Variants in SLC16A7 observed in about 807,000 individuals in gnomAD.
SLC16A7 encodes solute carrier family 16 member 7.
Under a neutral mutation model 34.9 loss-of-function variants are expected in SLC16A7, and 33 were observed. The ratio of observed to expected loss-of-function variants is 0.94; its 90% confidence interval spans 0.72 to 1.26. SLC16A7 has a LOEUF of 1.26. Ranked by LOEUF, SLC16A7 falls within the 50% of genes most tolerant of loss-of-function variation. The pLI is 0.00. For missense variants in SLC16A7, 573 were observed against 578.1 expected (o/e 0.99, Z 0.09); for synonymous variants, 201 against 206.6 (o/e 0.97, Z 0.23).
At chr12:59,683,067 GA>G (rs113532305) in intron 2 of SLC16A7, among the ~76,000 whole-genome samples, 10,846 of 148,872 alleles carry the variant, frequency 0.073, 429 homozygotes, top group Middle Eastern at 0.17. Flanking sequence ...ACTCTGTCTT[GA>G]AAAAAAAAAT....
rs1415814104 is a variant in SLC16A7, at chr12:59,787,161, G to C, written c.*7482G>C. The C allele has an allele frequency of 6.6e-6, 1 of 151,840 alleles. No individual in the cohort carries two copies. Among genetic ancestry groups the C allele is most frequent in the Non-Finnish European group, 1.5e-5 (1 of 67,958 alleles). The allele number at this position is 151,840 out of a possible 1,614,324, so 9.4% of individuals were successfully genotyped here. On this transcript the variant is annotated 3_prime_UTR_variant, in exon 6 of 6. Coordinates refer to ENST00000547379, the MANE Select transcript of SLC16A7 (RefSeq NM_001270623.2). ...TTATTTTATGTTCCTTTTTATTTTA[G>C]AAGCAGTGTTCATTTTTTTCTGAAG...
At chr12:59,724,280 C>T (rs947081790) in intron 3 of SLC16A7, among the ~76,000 whole-genome samples, 1 of 152,004 alleles carries the variant, frequency 6.6e-6, no homozygotes, top group African/African-American at 2.4e-5. Context: ...CAACTTTTCA[C>T]CTTTCACACC....
intron 2 of SLC16A7, among the ~76,000 whole-genome samples, chr12:59,665,481 T>A (rs1280901908): frequency 3.3e-5 from 5 of 151,960 alleles, no homozygotes; most frequent in African/African-American, 1.2e-4. Flanking sequence ...ATTATAGGAC[T>A]TAGGTAATTT....
At chr12:59,739,456 C>T (rs376859640) in intron 3 of SLC16A7, among the ~76,000 whole-genome samples, 2 of 136,254 alleles carry the variant, frequency 1.5e-5, no homozygotes, top group African/African-American at 2.9e-5. Context: ...TTGGACATTT[C>T]GGTTGGTTCC....
intron 3 of SLC16A7, among the ~76,000 whole-genome samples, chr12:59,743,637 A>C (rs1486031579): frequency 6.6e-6 from 1 of 152,224 alleles, no homozygotes; most frequent in Non-Finnish European, 1.5e-5. Flanking sequence ...TTAAGACTTT[A>C]ACAAATTTTT....
intron 1 of SLC16A7, among the ~76,000 whole-genome samples, chr12:59,624,782 A>G (rs879384402): frequency 1.5e-4 from 22 of 149,182 alleles, no homozygotes; most frequent in Non-Finnish European, 3.1e-4. Context: ...GTCTATCTAT[A>G]TGTGTGTGTA....
In SLC16A7 at chr12:59,643,886, T is replaced by C. The variant is rs190425106; in HGVS notation, c.-129-11266T>C. Reference sequence around the variant, plus strand: ...CAAATGTCACATCGGTATTTCAGTTTTGGAGAGTGACTTTGAAACTATTTC... The same window carrying C: ...CAAATGTCACATCGGTATTTCAGTTCTGGAGAGTGACTTTGAAACTATTTC... On this transcript the variant is annotated intron_variant, in intron 1 of 5. Coordinates refer to ENST00000547379, the MANE Select transcript of SLC16A7 (RefSeq NM_001270623.2). 1.7e-4 allele frequency among the ~76,000 whole-genome samples: 26 copies of C among 152,274 alleles called. No individual in the cohort carries two copies. The East Asian group carries it at 4.3e-3, about 25-fold the overall frequency.
intron 3 of SLC16A7, among the ~76,000 whole-genome samples, chr12:59,757,654 C>T (rs911484873): frequency 2.6e-5 from 4 of 151,714 alleles, no homozygotes; most frequent in Non-Finnish European, 5.9e-5. Flanking sequence ...GTGCCTGCCT[C>T]TCCTGCCTCT....
chr12:59,710,994 G>T (rs766358445), intron 3 of SLC16A7, among the ~76,000 whole-genome samples: 1 of 152,162 alleles, frequency 6.6e-6, no homozygotes, highest in African/African-American at 2.4e-5. Flanking sequence ...CCTGGCACAA[G>T]GAAGATGTCT....
intron 2 of SLC16A7, among the ~76,000 whole-genome samples, chr12:59,704,213 A>AAAAAAAAAAAG (rs1873256207): frequency 7.1e-6 from 1 of 141,838 alleles, no homozygotes; most frequent in African/African-American, 2.7e-5. Context: ...AAAAAAAAAA[A>AAAAAAAAAAAG]AAAAAGAAAA....
At chr12:59,695,395 A>C (rs558111004) in intron 2 of SLC16A7, among the ~76,000 whole-genome samples, 13 of 152,114 alleles carry the variant, frequency 8.5e-5, no homozygotes, top group African/African-American at 3.1e-4. Flanking sequence ...TCCTGGTAGG[A>C]CCAGAGCTGA....
intron 1 of SLC16A7, among the ~76,000 whole-genome samples, chr12:59,612,679 A>C (rs1879253298): frequency 6.6e-6 from 1 of 152,172 alleles, no homozygotes. Flanking sequence ...TGCTGCTTAG[A>C]CATTTCTTCC....
intron 1 of SLC16A7, among the ~76,000 whole-genome samples, chr12:59,605,218 A>G (rs1878880817): frequency 6.6e-6 from 1 of 152,220 alleles, no homozygotes; most frequent in African/African-American, 2.4e-5. Flanking sequence ...AACAGGAATG[A>G]TAAGGCTTCC....
intron 2 of SLC16A7, among the ~76,000 whole-genome samples, chr12:59,656,712 G>A (rs57382745): frequency 3.9e-5 from 6 of 152,024 alleles, no homozygotes; most frequent in African/African-American, 7.2e-5. Context: ...TAGAAACAGC[G>A]GTTTATGCCA....
At chr12:59,690,734 G>A (rs1183245717) in intron 2 of SLC16A7, among the ~76,000 whole-genome samples, 1 of 151,854 alleles carries the variant, frequency 6.6e-6, no homozygotes, top group Admixed American at 6.6e-5. Context: ...TACAAAAAGG[G>A]TGACTTAACT....
At chr12:59,662,854 A>T (rs1868928891) in intron 2 of SLC16A7, among the ~76,000 whole-genome samples, 1 of 152,122 alleles carries the variant, frequency 6.6e-6, no homozygotes, top group Admixed American at 6.6e-5. Flanking sequence ...GTGAATTTTA[A>T]TTTTTTGTAT....
intron 1 of SLC16A7, among the ~76,000 whole-genome samples, chr12:59,637,449 GT>G (rs1039120009): frequency 1.3e-3 from 185 of 144,762 alleles, no homozygotes; most frequent in African/African-American, 3.9e-3. Context: ...TTCTCTTTCT[GT>G]TTTTTTTTTT....
chr12:59,628,667 TGC>T (rs1880041551), intron 1 of SLC16A7, among the ~76,000 whole-genome samples: 1 of 151,786 alleles, frequency 6.6e-6, no homozygotes, highest in Admixed American at 6.6e-5. Flanking sequence ...CGTGTGTGTG[TGC>T]ATGTGCGTGT....
intron 2 of SLC16A7, among the ~76,000 whole-genome samples, chr12:59,662,520 C>T (rs1005017503): frequency 1.4e-4 from 21 of 152,068 alleles, no homozygotes; most frequent in African/African-American, 5.1e-4. Flanking sequence ...ATAACCTTGG[C>T]AAAACTTAGT....
Sources: gnomAD v4.1 joint callset for allele counts (sites outside exome capture counted in the v4.1 genomes callset) on GRCh38, gnomAD v4.1.1 for gene constraint, MANE v1.5 for transcripts, NCBI Gene and HGNC (gene_info 2026-07-23, HGNC 2026-07-21) for gene names.